ITGA4: variants seen among roughly 807,000 people sequenced by gnomAD.
ITGA4 encodes the protein integrin subunit alpha 4, also known as integrin alpha-4.
In ITGA4, 63 loss-of-function variants were observed where a neutral mutation model predicts 133.6. The observed-to-expected ratio is 0.47, with a 90% CI of 0.38 to 0.58. The LOEUF (loss-of-function observed/expected upper bound fraction) is 0.58, where lower values mean the gene tolerates loss of function less well. Ranked by LOEUF, ITGA4 falls within the 20% of genes least tolerant of loss-of-function variation. The pLI is 0.00. For synonymous variants in ITGA4, 483 were observed against 438.0 expected, an observed-to-expected ratio of 1.10 and a Z score of -1.28; for missense variants, 1,076 against 1,252.7, an observed-to-expected ratio of 0.86 and a Z score of 2.13.
At chr2:181,474,897 G>GT (rs1685638554) in intron 2 of ITGA4, 63 bp from the exon 3 acceptor site, 10 of 1,289,506 alleles carry the variant, frequency 7.8e-6, no homozygotes, top group Non-Finnish European at 1.1e-5. Flanking sequence ...TGAGTGCACA[G>GT]TTTTCTCTTC....
Position 181,498,620 on chromosome 2 carries a change from C to T in ITGA4, c.1541-3C>T. On this transcript the variant is annotated splice_polypyrimidine_tract_variant and splice_region_variant and intron_variant, in intron 14 of 27. Coordinates refer to ENST00000397033, the MANE Select transcript of ITGA4 (RefSeq NM_000885.6). ...TTAATTGCAATTCTCTATATTTTTG[C>T]AGTTTTGTTTTATAACATGAGTTTG... The T allele has an allele frequency of 6.3e-7, 1 of 1,576,786 alleles. No individual in the cohort carries two copies. Among genetic ancestry groups the T allele is most frequent in the East Asian group, 2.3e-5 (1 of 44,322 alleles).
chr2:181,484,149 A>G (rs897714944), intron 9 of ITGA4, among the ~76,000 whole-genome samples: 3 of 152,270 alleles, frequency 2.0e-5, no homozygotes, highest in Non-Finnish European at 4.4e-5. Flanking sequence ...GTGTTCTTCT[A>G]CTGTAGTATA....
chr2:181,536,190 A>ATTAT lies in ITGA4; in HGVS notation c.*666_*669dup. 1 of 152,016 alleles carries ATTAT rather than the reference A, an allele frequency of 6.6e-6. No individual in the cohort carries two copies. Among genetic ancestry groups the ATTAT allele is most frequent in the Non-Finnish European group, 1.5e-5 (1 of 67,950 alleles). 9.4% of individuals were successfully genotyped at this position (152,016 alleles called of 1,614,324 possible). ...AGCTTAGTGAAATTACTTCTGGATA[A>ATTAT]TTATTTTTTTATAATTATGGATTTC... On this transcript the variant is annotated 3_prime_UTR_variant, in exon 28 of 28. Coordinates refer to ENST00000397033, the MANE Select transcript of ITGA4 (RefSeq NM_000885.6).
At chr2:181,501,029 A>G (rs922465561) in intron 15 of ITGA4, among the ~76,000 whole-genome samples, 1 of 152,158 alleles carries the variant, frequency 6.6e-6, no homozygotes, top group Non-Finnish European at 1.5e-5. Context: ...TCAGAAAGTG[A>G]CATCTGAGCA....
At chr2:181,490,728 T>A (rs896655343) in intron 10 of ITGA4, among the ~76,000 whole-genome samples, 1 of 152,192 alleles carries the variant, frequency 6.6e-6, no homozygotes, top group Admixed American at 6.5e-5. Flanking sequence ...TGTGCCTCAG[T>A]TTCCTCATCT....
At chr2:181,458,070 C>CGGGGGTGGTGGGAGTCGGGGGTGGT in intron 1 of ITGA4, 126 bp from the exon 2 acceptor site, 2 of 1,315,366 alleles carry the variant, frequency 1.5e-6, no homozygotes, top group Non-Finnish European at 2.1e-6. Flanking sequence ...AGCTTCGAGT[C>CGGGGGTGGTGGGAGTCGGGGGTGGT]GGGGGTGGTG....
At position 181,495,747 on chromosome 2, in the gene ITGA4, C is replaced by T. The variant is rs1686144048; in HGVS notation, c.1386-36C>T. On this transcript the variant is annotated intron_variant, in intron 13 of 27. Transcript: ENST00000397033. The surrounding 1 kb of genome is among the most constrained non-coding windows in gnomAD (Gnocchi z 4.3). ...TTTCTCTCCTTAAGGAAAAATAATT[C>T]TGCAATTAACATTGCTACTTTTATT... 6.4e-7 allele frequency: 1 copy of T among 1,569,596 alleles called. No homozygotes were observed. Among genetic ancestry groups the T allele is most frequent in the African/African-American group, 1.4e-5 (1 of 73,280 alleles).
At chr2:181,476,085 G>T in intron 4 of ITGA4, 1 of 390,118 alleles carries the variant, frequency 2.6e-6, no homozygotes, top group African/African-American at 2.1e-5. Context: ...ATAAGACTTT[G>T]GTCTTTCTTC....
intron 6 of ITGA4, among the ~76,000 whole-genome samples, 196 bp downstream of exon 6, chr2:181,480,462 T>C (rs912326291): frequency 1.3e-5 from 2 of 152,224 alleles, no homozygotes; most frequent in Non-Finnish European, 2.9e-5. Context: ...CATTTACACA[T>C]GTGACTAAAA....
At chr2:181,485,712 CAAT>C (rs1685899056) in intron 9 of ITGA4, among the ~76,000 whole-genome samples, 166 bp from the exon 10 acceptor site, 1 of 152,130 alleles carries the variant, frequency 6.6e-6, no homozygotes, top group African/African-American at 2.4e-5. Flanking sequence ...TTGACAGACT[CAAT>C]AAATATTTAT....
rs1687099050 is a variant in ITGA4, at chr2:181,536,543, C to CTTTACAAGTG, written c.*1025_*1026insGTTTACAAGT. 2 of 156,634 alleles carry CTTTACAAGTG rather than the reference C, an allele frequency of 1.3e-5. No homozygotes were observed. Among genetic ancestry groups the CTTTACAAGTG allele is most frequent in the South Asian group, 1.9e-4 (1 of 5,224 alleles). 9.7% of individuals were successfully genotyped at this position (156,634 alleles called of 1,614,324 possible). A position where few individuals can be genotyped will look rare whatever the true frequency, so the allele number is the denominator to read the frequency against. On this transcript the variant is annotated 3_prime_UTR_variant, in exon 28 of 28. Transcript: ENST00000397033. ...TCCTTGGATGTAATTCTTTGTTACC[C>CTTTACAAGTG]TTTACAAGTATAAGTGTTACCTTAC...
At position 181,527,947 on chromosome 2, in the gene ITGA4, A is replaced by G. The variant is rs188884567; in HGVS notation, c.2430+560A>G. Among the ~76,000 whole-genome samples the G allele has an allele frequency of 1.2e-3, 177 of 152,198 alleles. 4 individuals are homozygous for G. The highest frequency in any genetic ancestry group is 9.4e-3 in the Admixed American group (144 of 15,284). On this transcript the variant is annotated intron_variant, in intron 22 of 27. Transcript: ENST00000397033. ...CAGAAGTATTAGGAGACTGATGTAA[A>G]CCTAAGTTTTTAAAAACATTTTTTG...
At chr2:181,531,907 CTA>C (rs1559058758) in intron 25 of ITGA4, 131 bp downstream of exon 25, 4 of 560,742 alleles carry the variant, frequency 7.1e-6, no homozygotes, top group Non-Finnish European at 9.0e-6. Context: ...GAGTAAAACT[CTA>C]AAACTGTATT....
At chr2:181,497,691 T>C (rs1375722830) in intron 14 of ITGA4, among the ~76,000 whole-genome samples, 1 of 152,146 alleles carries the variant, frequency 6.6e-6, no homozygotes, top group East Asian at 1.9e-4. Flanking sequence ...CAAATGAACA[T>C]GTCAAGAATT....
intron 8 of ITGA4, 41 bp downstream of exon 8, chr2:181,482,463 G>A: frequency 1.7e-5 from 28 of 1,613,304 alleles, no homozygotes; most frequent in Non-Finnish European, 2.4e-5. Flanking sequence ...GGGCTTTTGC[G>A]AGTAACCCTG....
chr2:181,520,347 T>A (rs1686691670), intron 17 of ITGA4, among the ~76,000 whole-genome samples: 1 of 151,984 alleles, frequency 6.6e-6, no homozygotes, highest in Non-Finnish European at 1.5e-5. Context: ...TATAGAAAAA[T>A]ATGACTGAAA....
rs200420283 is a variant in ITGA4 at position 181,537,574 on chromosome 2, T to C, written c.*2047T>C. ...GGAGCAGTGAATCAAGGCAGACTTA[T>C]GAAATCTGTATTATATTTGTAACAG... On this transcript the variant is annotated 3_prime_UTR_variant, in exon 28 of 28. Coordinates refer to ENST00000397033, the MANE Select transcript of ITGA4 (RefSeq NM_000885.6). 32 of 432,368 alleles carry C rather than the reference T, an allele frequency of 7.4e-5. No individual in the cohort carries two copies. The highest frequency in any genetic ancestry group is 1.2e-4 in the Non-Finnish European group (26 of 217,076). The allele number at this position is 432,368 out of a possible 1,614,324, so 26.8% of individuals were successfully genotyped here.
chr2:181,528,955 A>G (rs969417239), intron 22 of ITGA4, among the ~76,000 whole-genome samples: 2 of 152,188 alleles, frequency 1.3e-5, no homozygotes, highest in Admixed American at 1.3e-4. Context: ...CCAACAACAT[A>G]CTTTTCTTCT....
chr2:181,470,687 T>A (rs1375765541), intron 2 of ITGA4, among the ~76,000 whole-genome samples: 1 of 148,220 alleles, frequency 6.7e-6, no homozygotes, highest in African/African-American at 2.6e-5. Flanking sequence ...CAGTCTTACT[T>A]CTTCTACCAA....
Sources: gnomAD v4.1 joint callset for allele counts (sites outside exome capture counted in the v4.1 genomes callset) on GRCh38, gnomAD v4.1.1 for gene constraint, Gnocchi (gnomAD v3.1) non-coding constraint, MANE v1.5 for transcripts, NCBI Gene and HGNC (gene_info 2026-07-23, HGNC 2026-07-21) for gene names.